RPL7A: variants seen among roughly 807,000 people sequenced by gnomAD.
RPL7A encodes the protein large ribosomal subunit protein eL8.
For missense variants in RPL7A, 291 were observed against 338.2 expected (o/e 0.86, Z 1.09); for synonymous variants, 158 against 128.2 (o/e 1.23, Z -1.57).
Position 133,348,905 on chromosome 9 carries a change from G to A in RPL7A, c.4-17G>A, listed in dbSNP as rs2129981993. ...GAGTGGAGGCGGCGGTTTAACTGAC[G>A]TTTTCTTTCTGCCCAGCCGAAAGGA... On this transcript the variant is annotated splice_polypyrimidine_tract_variant and intron_variant, in intron 1 of 7. Coordinates refer to ENST00000323345, the MANE Select transcript of RPL7A (RefSeq NM_000972.3). The A allele has an allele frequency of 2.5e-6, 4 of 1,613,412 alleles. No homozygotes were observed. In the Admixed American group the frequency reaches 6.7e-5, roughly 27 times the overall value.
Position 133,349,827 on chromosome 9 carries a change from C to T in RPL7A, c.275-85C>T, listed in dbSNP as rs1836332412. On this transcript the variant is annotated intron_variant, in intron 3 of 7. Coordinates refer to ENST00000323345, the MANE Select transcript of RPL7A (RefSeq NM_000972.3). ...ATTAAATTATAGTCATATAGCAGGA[C>T]CGCAGTCCAGCATTTGTTATTAAGT... 4 of 1,584,442 alleles carry T rather than the reference C, an allele frequency of 2.5e-6. No homozygotes were observed. In the South Asian group the frequency reaches 3.4e-5, roughly 14 times the overall value.
Position 133,348,872 on chromosome 9 carries a change from G to A in RPL7A, c.4-50G>A, listed in dbSNP as rs2129981732. 2.5e-6 allele frequency: 4 copies of A among 1,612,902 alleles called. No homozygotes were observed. The South Asian group carries it at 4.4e-5, about 18-fold the overall frequency. On this transcript the variant is annotated intron_variant, in intron 1 of 7. Coordinates refer to ENST00000323345, the MANE Select transcript of RPL7A (RefSeq NM_000972.3). ...AGGAGCCAGCCTGAGCCCTACCCCC[G>A]ACGAAGCGAGTGGAGGCGGCGGTTT...
At chr9:133,351,099 T>C (rs1390634526) in intron 7 of RPL7A, 28 bp downstream of exon 7, 1 of 1,605,876 alleles carries the variant, frequency 6.2e-7, no homozygotes, top group Admixed American at 1.7e-5. Context: ...ACCAAAATAC[T>C]GTCATTCACA....
At chr9:133,351,205 C>T in intron 7 of RPL7A, 57 bp from the exon 8 acceptor site, 1 of 1,573,976 alleles carries the variant, frequency 6.4e-7, no homozygotes, top group Non-Finnish European at 8.7e-7. Context: ...CAACTAATAA[C>T]CTTGAAAATC....
At position 133,350,220 on chromosome 9, in the gene RPL7A, A is replaced by G. The variant is rs2129992172; in HGVS notation, c.416-20A>G. 5.6e-6 allele frequency: 9 copies of G among 1,613,788 alleles called. No homozygotes were observed. Among genetic ancestry groups the G allele is most frequent in the East Asian group, 4.5e-5 (2 of 44,868 alleles). On this transcript the variant is annotated intron_variant, in intron 4 of 7. Coordinates refer to ENST00000323345, the MANE Select transcript of RPL7A (RefSeq NM_000972.3). ...TAGAGCAGGCCCTGTGAGTGCTCAC[A>G]AAGTGGTTGTGTGTTCTAGGAGTTA...
rs2129981831 is a variant in RPL7A, at chr9:133,348,884, G to A, written c.4-38G>A. The stretch of plus-strand genomic sequence containing the variant: ...GAGCCCTACCCCCGACGAAGCGAGT[G>A]GAGGCGGCGGTTTAACTGACGTTTT... On this transcript the variant is annotated intron_variant, in intron 1 of 7. Coordinates refer to ENST00000323345, the MANE Select transcript of RPL7A (RefSeq NM_000972.3). The A allele has an allele frequency of 3.1e-6, 5 of 1,613,076 alleles. No homozygotes were observed. In the South Asian group the frequency reaches 3.3e-5, roughly 11 times the overall value.
intron 1 of RPL7A, chr9:133,348,474 C>G: frequency 1.6e-6 from 1 of 633,212 alleles, no homozygotes; most frequent in Non-Finnish European, 2.7e-6. Flanking sequence ...GCGTTGTTCC[C>G]GGTGTCGCAG....
intron 1 of RPL7A, chr9:133,348,521 G>A: frequency 3.3e-6 from 2 of 603,854 alleles, no homozygotes; most frequent in Admixed American, 5.9e-5. Context: ...CGCAGTGCGG[G>A]GCTCGGAGCC....
chr9:133,348,624 C>A, intron 1 of RPL7A: 1 of 627,824 alleles, frequency 1.6e-6, no homozygotes, highest in Non-Finnish European at 2.9e-6. Context: ...GCCTGTGGGG[C>A]CGCGACTCAG....
Position 133,348,268 on chromosome 9 carries a change from G to A in RPL7A, c.3+22G>A, listed in dbSNP as rs1046408934. The A allele has an allele frequency of 3.1e-6, 5 of 1,613,934 alleles. No homozygotes were observed. The South Asian group carries it at 3.3e-5, about 11-fold the overall frequency. The stretch of plus-strand genomic sequence containing the variant: ...GATGGTGAGTGAGCTGTAGTTCCGT[G>A]GCACTATAGCCAGGTTCCGGCTGTA... On this transcript the variant is annotated intron_variant, in intron 1 of 7. Coordinates refer to ENST00000323345, the MANE Select transcript of RPL7A (RefSeq NM_000972.3).
intron 1 of RPL7A, 167 bp from the exon 2 acceptor site, chr9:133,348,755 A>T: frequency 9.9e-7 from 1 of 1,008,204 alleles, no homozygotes; most frequent in Non-Finnish European, 1.5e-6. Context: ...GCTGAATGTG[A>T]GATGCTCCTG....
rs2129980545 is a variant in RPL7A, at chr9:133,348,751, T to C, written c.4-171T>C. The C allele has an allele frequency of 2.1e-3, 2,072 of 976,032 alleles. 19 individuals carry two copies. In the African/African-American group the frequency reaches 0.023, roughly 11 times the overall value. 60.5% of individuals were successfully genotyped at this position (976,032 alleles called of 1,614,324 possible). ...GGGGCTGCATGCTTGTGCGGCTGAA[T>C]GTGAGATGCTCCTGTCGAGGGGTGG... On this transcript the variant is annotated intron_variant, in intron 1 of 7. Coordinates refer to ENST00000323345, the MANE Select transcript of RPL7A (RefSeq NM_000972.3).
intron 2 of RPL7A, 188 bp from the exon 3 acceptor site, chr9:133,349,363 A>C (rs2129985174): frequency 2.2e-6 from 2 of 901,320 alleles, no homozygotes; most frequent in Admixed American, 3.4e-5. Flanking sequence ...AGATGAGGAA[A>C]AGCATCGTGC....
At chr9:133,350,782 A>G in intron 6 of RPL7A, 55 bp downstream of exon 6, 1 of 1,605,732 alleles carries the variant, frequency 6.2e-7, no homozygotes, top group South Asian at 1.1e-5. Flanking sequence ...TCCATGCCTC[A>G]CAGTTGTTTC....
chr9:133,349,064 G>A (rs2129983171), intron 2 of RPL7A, 22 bp downstream of exon 2: 38 of 1,612,170 alleles, frequency 2.4e-5, no homozygotes, highest in Non-Finnish European at 2.7e-5. Flanking sequence ...ACGGCAGAAT[G>A]AAAACGGTCT....
At chr9:133,350,429 G>A in intron 5 of RPL7A, 110 bp downstream of exon 5, 1 of 1,495,830 alleles carries the variant, frequency 6.7e-7, no homozygotes, top group Non-Finnish European at 9.3e-7. Context: ...GGGCAGTACT[G>A]ACACAGATCC....
chr9:133,350,194 C>T (rs2129991993), intron 4 of RPL7A, 46 bp from the exon 5 acceptor site: 4 of 1,611,654 alleles, frequency 2.5e-6, no homozygotes, highest in Non-Finnish European at 3.4e-6. Context: ...CTTCTTGTGA[C>T]TAGAGCAGGC....
chr9:133,350,353 TTC>T, intron 5 of RPL7A, 34 bp downstream of exon 5: 1 of 1,608,860 alleles, frequency 6.2e-7, no homozygotes, highest in South Asian at 1.1e-5. Flanking sequence ...ACCCAAGGGC[TTC>T]TGGCAGTACC....
chr9:133,348,771 G>A, intron 1 of RPL7A, 151 bp from the exon 2 acceptor site: 1 of 1,129,064 alleles, frequency 8.9e-7, no homozygotes, highest in Non-Finnish European at 1.3e-6. Context: ...TCCTGTCGAG[G>A]GGTGGTGCTG....
Sources: allele counts gnomAD v4.1 joint callset, GRCh38; gene constraint gnomAD v4.1.1; transcripts MANE v1.5; gene names NCBI Gene and HGNC (gene_info 2026-07-23, HGNC 2026-07-21).